ZDHHC2: variants seen among roughly 807,000 people sequenced by gnomAD.
ZDHHC2 encodes palmitoyltransferase ZDHHC2.
Under a neutral mutation model 55.6 loss-of-function variants are expected in ZDHHC2, and 51 were observed. The ratio of observed to expected loss-of-function variants is 0.92; its 90% confidence interval spans 0.73 to 1.16. The LOEUF (loss-of-function observed/expected upper bound fraction) is 1.16, where lower values mean the gene tolerates loss of function less well. Among genes scored for constraint, ZDHHC2 ranks in the 50% most tolerant of loss-of-function variants. The probability of loss-of-function intolerance (pLI) is 0.00; values close to 1 mark genes in which losing one functional copy is unlikely to be tolerated. For synonymous variants in ZDHHC2, 199 were observed against 152.9 expected (o/e 1.30, Z -2.22); for missense variants, 491 against 442.4 (o/e 1.11, Z -0.99).
chr8:17,213,198 T>TA (rs1807470220), intron 10 of ZDHHC2, among the ~76,000 whole-genome samples: 1 of 152,146 alleles, frequency 6.6e-6, no homozygotes, highest in African/African-American at 2.4e-5. Flanking sequence ...GAATCTTTGA[T>TA]AACCCTTTGT....
chr8:17,207,199 C>A (rs1026841789), intron 7 of ZDHHC2, among the ~76,000 whole-genome samples: 2 of 152,170 alleles, frequency 1.3e-5, no homozygotes, highest in Admixed American at 1.3e-4. Flanking sequence ...AATCTCAGGA[C>A]CATTTATCAG....
At chr8:17,166,211 T>C (rs867047952) in intron 1 of ZDHHC2, among the ~76,000 whole-genome samples, 1 of 152,182 alleles carries the variant, frequency 6.6e-6, no homozygotes, top group Non-Finnish European at 1.5e-5. Context: ...TGAGCGATGA[T>C]GGTGTGTGAA....
chr8:17,201,378 C>CT (rs1463015464), intron 6 of ZDHHC2, among the ~76,000 whole-genome samples: 4 of 146,468 alleles, frequency 2.7e-5, no homozygotes, highest in African/African-American at 9.9e-5. Flanking sequence ...TATAAAAAAT[C>CT]TTTTTCTACA....
chr8:17,179,525 C>T (rs1022752888), intron 1 of ZDHHC2, among the ~76,000 whole-genome samples: 1 of 152,096 alleles, frequency 6.6e-6, no homozygotes, highest in Non-Finnish European at 1.5e-5. Context: ...TCTCCTGCCC[C>T]CAGTCTCCCA....
chr8:17,190,905 AT>A (rs1585691752), intron 3 of ZDHHC2, among the ~76,000 whole-genome samples: 1 of 134,924 alleles, frequency 7.4e-6, no homozygotes, highest in African/African-American at 2.7e-5. Flanking sequence ...ATTATTATTG[AT>A]TGTAGCCGCC....
intron 1 of ZDHHC2, among the ~76,000 whole-genome samples, chr8:17,172,902 G>A (rs1804933354): frequency 6.6e-6 from 1 of 152,170 alleles, no homozygotes. Flanking sequence ...TTCTTGAAGT[G>A]GGATGGTTAG....
chr8:17,183,681 A>C (rs1172231593), intron 1 of ZDHHC2, among the ~76,000 whole-genome samples: 1 of 152,158 alleles, frequency 6.6e-6, no homozygotes, highest in African/African-American at 2.4e-5. Flanking sequence ...TCTGTCATTT[A>C]GATCTTCTGT....
chr8:17,194,464 A>G (rs749212077), intron 3 of ZDHHC2, among the ~76,000 whole-genome samples: 1 of 151,598 alleles, frequency 6.6e-6, no homozygotes, highest in Non-Finnish European at 1.5e-5. Context: ...CATATTTTCC[A>G]TCTCTGCTGT....
intron 10 of ZDHHC2, among the ~76,000 whole-genome samples, chr8:17,212,045 G>C (rs1229556352): frequency 6.6e-6 from 1 of 152,054 alleles, no homozygotes. Context: ...TGAGATTTGG[G>C]AGAAATCTTA....
chr8:17,173,707 A>G (rs1563143948), intron 1 of ZDHHC2, among the ~76,000 whole-genome samples: 1 of 151,828 alleles, frequency 6.6e-6, no homozygotes, highest in Non-Finnish European at 1.5e-5. Context: ...GAAAGAAAGA[A>G]AAAGAATTGA....
chr8:17,212,995 A>C (rs1807460752), intron 10 of ZDHHC2, among the ~76,000 whole-genome samples: 1 of 151,994 alleles, frequency 6.6e-6, no homozygotes, highest in Non-Finnish European at 1.5e-5. Flanking sequence ...TCTGGATGTC[A>C]TTCTTTTTTA....
At chr8:17,169,956 T>C (rs17687049) in intron 1 of ZDHHC2, among the ~76,000 whole-genome samples, 11,133 of 152,212 alleles carry the variant, frequency 0.073, 1,211 homozygotes, top group East Asian at 0.4. Flanking sequence ...GTTGTGTCTT[T>C]AGGCAGTAGT....
At chr8:17,219,842 C>G (rs1807833732) in intron 12 of ZDHHC2, among the ~76,000 whole-genome samples, 1 of 152,134 alleles carries the variant, frequency 6.6e-6, no homozygotes, top group Non-Finnish European at 1.5e-5. Flanking sequence ...AAAATCATTT[C>G]CCTAAATGTC....
At chr8:17,191,930 C>T (rs1447936846) in intron 3 of ZDHHC2, among the ~76,000 whole-genome samples, 4 of 152,122 alleles carry the variant, frequency 2.6e-5, no homozygotes, top group Non-Finnish European at 5.9e-5. Flanking sequence ...CAACAGTATA[C>T]AAGGGTTCCC....
chr8:17,199,762 C>CTT (rs36175869), intron 6 of ZDHHC2, among the ~76,000 whole-genome samples: 28 of 129,022 alleles, frequency 2.2e-4, no homozygotes, highest in Admixed American at 3.1e-4. Flanking sequence ...CTTTCTTCTT[C>CTT]TTTTTTTTTT....
At chr8:17,174,796 C>A (rs533928105) in intron 1 of ZDHHC2, among the ~76,000 whole-genome samples, 1 of 150,830 alleles carries the variant, frequency 6.6e-6, no homozygotes, top group Non-Finnish European at 1.5e-5. Flanking sequence ...CTGCAGCCTC[C>A]GCCTCCTGGG....
intron 1 of ZDHHC2, among the ~76,000 whole-genome samples, chr8:17,168,335 G>A (rs1437640824): frequency 6.6e-6 from 1 of 152,108 alleles, no homozygotes; most frequent in Admixed American, 6.5e-5. Flanking sequence ...TCACTTCTGG[G>A]GTTACTTTTA....
At chr8:17,195,680 A>C in intron 4 of ZDHHC2, 56 bp downstream of exon 4, 3 of 1,601,182 alleles carry the variant, frequency 1.9e-6, no homozygotes, top group Non-Finnish European at 2.6e-6. Context: ...CATTAAGGTG[A>C]CTGTAAGAAA....
intron 10 of ZDHHC2, 64 bp from the exon 11 acceptor site, chr8:17,215,173 C>T: frequency 6.9e-7 from 1 of 1,442,520 alleles, no homozygotes; most frequent in Non-Finnish European, 9.5e-7. Flanking sequence ...CATTGAGAAA[C>T]AATCAACTTT....
Sources: allele counts gnomAD v4.1 joint callset (sites outside exome capture counted in the v4.1 genomes callset), GRCh38; gene constraint gnomAD v4.1.1; transcripts MANE v1.5; gene names NCBI Gene and HGNC (gene_info 2026-07-23, HGNC 2026-07-21).